Variants in SNX10 observed in about 807,000 individuals in gnomAD.
SNX10 encodes sorting nexin-10.
Under a neutral mutation model 28.5 loss-of-function variants are expected in SNX10, and 25 were observed. The observed-to-expected ratio is 0.88, with a 90% confidence interval of 0.64 to 1.22. The LOEUF (loss-of-function observed/expected upper bound fraction) is 1.22. Among genes scored for constraint, SNX10 ranks in the 50% most tolerant of loss-of-function variants. The pLI is 0.00. For missense variants in SNX10, 223 were observed against 242.6 expected (o/e 0.92, Z 0.54); for synonymous variants, 62 against 81.4 (o/e 0.76, Z 1.28).
intron 1 of SNX10, among the ~76,000 whole-genome samples, chr7:26,297,336 C>T (rs927267192): frequency 4.6e-5 from 7 of 152,176 alleles, no homozygotes; most frequent in Non-Finnish European, 8.8e-5. Context: ...CCTCGTGACC[C>T]GCCCGTCTCG....
intron 5 of SNX10, among the ~76,000 whole-genome samples, chr7:26,365,779 A>G (rs1261463489): frequency 1.3e-5 from 2 of 152,160 alleles, no homozygotes; most frequent in Non-Finnish European, 2.9e-5. Flanking sequence ...TAGAGGCCAT[A>G]TAGCACGCTG....
intron 1 of SNX10, among the ~76,000 whole-genome samples, chr7:26,330,165 C>T (rs960100160): frequency 1.3e-5 from 2 of 151,936 alleles, no homozygotes; most frequent in Non-Finnish European, 2.9e-5. Flanking sequence ...AAGGCAAGAG[C>T]CCGGAATGTT....
chr7:26,307,375 C>G (rs925800375), intron 1 of SNX10, among the ~76,000 whole-genome samples: 1 of 152,204 alleles, frequency 6.6e-6, no homozygotes, highest in African/African-American at 2.4e-5. Flanking sequence ...CTTCCAGTCA[C>G]CCGGCCTGTG....
intron 2 of SNX10, among the ~76,000 whole-genome samples, chr7:26,360,172 G>C (rs373575839): frequency 6.6e-6 from 1 of 152,092 alleles, no homozygotes; most frequent in African/African-American, 2.4e-5. Context: ...AGTTATTATC[G>C]CTTATTCTCA....
chr7:26,345,408 C>T (rs1788343944), intron 1 of SNX10, among the ~76,000 whole-genome samples: 1 of 152,194 alleles, frequency 6.6e-6, no homozygotes, highest in South Asian at 2.1e-4. Context: ...CCCATTCCCT[C>T]TCCATGGGTC....
Position 26,364,482 on chromosome 7 carries a change from G to T in SNX10, c.112-53G>T. On this transcript the variant is annotated intron_variant, in intron 3 of 6. Coordinates refer to ENST00000338523, the MANE Select transcript of SNX10 (RefSeq NM_013322.3). This position sits in a 1 kb window ranked among gnomAD's most constrained non-coding sequence, Gnocchi z 4.9. ...ATCATATTGTGAATTATAGATACAA[G>T]AAATGCATTTTTTTCCTCAGGTAAG... is the stretch of plus-strand genomic sequence containing the variant. 6.4e-7 allele frequency: 1 copy of T among 1,553,052 alleles called. No individual in the cohort carries two copies. The highest frequency in any genetic ancestry group is 8.7e-7 in the Non-Finnish European group (1 of 1,148,258).
At chr7:26,319,463 G>A (rs1290311843) in intron 1 of SNX10, among the ~76,000 whole-genome samples, 1 of 152,168 alleles carries the variant, frequency 6.6e-6, no homozygotes, top group Non-Finnish European at 1.5e-5. Context: ...GAAGCAAGGG[G>A]AGGATACATT....
At chr7:26,304,460 A>C (rs1562784170) in intron 1 of SNX10, among the ~76,000 whole-genome samples, 1 of 152,206 alleles carries the variant, frequency 6.6e-6, no homozygotes, top group Non-Finnish European at 1.5e-5. Flanking sequence ...TTTAAAGTAC[A>C]TCAGAACGTG....
At chr7:26,331,760 C>CTCCCAGTCCCAG (rs111683120) in intron 1 of SNX10, among the ~76,000 whole-genome samples, 40,253 of 151,662 alleles carry the variant, frequency 0.27, 6,371 homozygotes, top group South Asian at 0.43. Flanking sequence ...CCAAGTTCTT[C>CTCCCAGTCCCAG]TCCCAGTCCC....
At chr7:26,301,820 A>AT (rs547220364) in intron 1 of SNX10, among the ~76,000 whole-genome samples, 21 of 151,084 alleles carry the variant, frequency 1.4e-4, no homozygotes, top group South Asian at 8.3e-4. Context: ...TCCCATACCC[A>AT]TTTTTTTTTC....
intron 1 of SNX10, among the ~76,000 whole-genome samples, chr7:26,344,682 C>T (rs1355061911): frequency 6.6e-6 from 1 of 152,142 alleles, no homozygotes; most frequent in Non-Finnish European, 1.5e-5. Flanking sequence ...TGTACTCCAC[C>T]GTGTGTCCTG....
rs548927611 is a variant in SNX10 at position 26,360,758 on chromosome 7, C to G, written c.25-217C>G. On this transcript the variant is annotated intron_variant, in intron 2 of 6. Coordinates refer to ENST00000338523, the MANE Select transcript of SNX10 (RefSeq NM_013322.3). Reference sequence around the variant, plus strand: ...CAGAAGTGCTCCCACCTCAGTGTTGCATTATTTTAAAAATTCCATTATGTG... The same window carrying G: ...CAGAAGTGCTCCCACCTCAGTGTTGGATTATTTTAAAAATTCCATTATGTG... 17 of 1,254,382 alleles carry G rather than the reference C, an allele frequency of 1.4e-5. No homozygotes were observed. The South Asian group carries it at 2.6e-4, about 19-fold the overall frequency. 77.7% of individuals were successfully genotyped at this position (1,254,382 alleles called of 1,614,324 possible). A position where few individuals can be genotyped will look rare whatever the true frequency, so the allele number is the denominator to read the frequency against.
At chr7:26,302,505 G>A (rs10271777) in intron 1 of SNX10, among the ~76,000 whole-genome samples, 3,643 of 152,216 alleles carry the variant, frequency 0.024, 122 homozygotes, top group East Asian at 0.083. Flanking sequence ...CCTCTTTCAC[G>A]TTTTTGTACA....
intron 1 of SNX10, among the ~76,000 whole-genome samples, chr7:26,315,512 C>T (rs1265360320): frequency 1.3e-5 from 2 of 150,942 alleles, no homozygotes; most frequent in South Asian, 4.2e-4. Context: ...ACTAAAAATA[C>T]AAAAAATTAG....
chr7:26,333,985 AAC>A (rs1787835435), intron 1 of SNX10, among the ~76,000 whole-genome samples: 1 of 152,216 alleles, frequency 6.6e-6, no homozygotes, highest in African/African-American at 2.4e-5. Context: ...TGGACTAATT[AAC>A]ACTAATATTT....
rs1787457774 is a variant in SNX10 at position 26,325,306 on chromosome 7, A to ATATATATATATATATAT, written c.-23-21114_-23-21113insTATATATATATATATAT. Among the ~76,000 whole-genome samples the ATATATATATATATATAT allele has an allele frequency of 2.3e-3, 118 of 51,362 alleles. 5 individuals carry two copies. The highest frequency in any genetic ancestry group is 4.7e-3 in the Non-Finnish European group (85 of 17,938). 33.7% of individuals were successfully genotyped at this position (51,362 alleles called of 152,430 possible). A position where few individuals can be genotyped will look rare whatever the true frequency, so the allele number is the denominator to read the frequency against. The stretch of plus-strand genomic sequence containing the variant: ...AATTTTTTTCTACTGAAGTTTGCAA[A>ATATATATATATATATAT]ATATATATATATATATATATATTTG... On this transcript the variant is annotated intron_variant, in intron 1 of 6. Transcript: ENST00000338523.
intron 2 of SNX10, among the ~76,000 whole-genome samples, chr7:26,347,304 C>G (rs887787808): frequency 9.2e-5 from 14 of 152,232 alleles, no homozygotes; most frequent in African/African-American, 3.1e-4. Context: ...AGCAGTCCAG[C>G]CTTGCTTGCA....
intron 1 of SNX10, among the ~76,000 whole-genome samples, chr7:26,345,958 C>A (rs1788369853): frequency 6.6e-6 from 1 of 152,110 alleles, no homozygotes; most frequent in African/African-American, 2.4e-5. Flanking sequence ...TCTTATGTGA[C>A]CTCTGGAGTA....
At chr7:26,346,960 C>A (rs188565346) in intron 2 of SNX10, among the ~76,000 whole-genome samples, 5 of 152,352 alleles carry the variant, frequency 3.3e-5, no homozygotes, top group Non-Finnish European at 7.3e-5. Flanking sequence ...CTCTCCCTGA[C>A]TGGGAGGAGC....
Sources: gnomAD v4.1 joint callset for allele counts (sites outside exome capture counted in the v4.1 genomes callset) on GRCh38, gnomAD v4.1.1 for gene constraint, Gnocchi (gnomAD v3.1) non-coding constraint, MANE v1.5 for transcripts, NCBI Gene and HGNC (gene_info 2026-07-23, HGNC 2026-07-21) for gene names.